Variants in NRXN3 observed in about 807,000 individuals in gnomAD.
The protein encoded by NRXN3 is neurexin 3, also known as neurexin III.
NRXN3 carries 32 observed loss-of-function variants against 137.6 expected under a neutral mutation model. The observed-to-expected ratio is 0.23, with a 90% CI of 0.18 to 0.31. The LOEUF (loss-of-function observed/expected upper bound fraction) is 0.31. NRXN3 is among the 10% of genes least tolerant of loss of function. The pLI, the probability that NRXN3 is intolerant of heterozygous loss-of-function variation, is 1.00. For missense variants in NRXN3, 1,574 were observed against 2,062.5 expected (o/e 0.76, Z 4.59); for synonymous variants, 798 against 784.5 (o/e 1.02, Z -0.29).
At chr14:79,831,642 T>C (rs2099324092) in intron 20 of NRXN3, among the ~76,000 whole-genome samples, 1 of 152,060 alleles carries the variant, frequency 6.6e-6, no homozygotes, top group African/African-American at 2.4e-5. Flanking sequence ...CTCTAAGAAA[T>C]GATGAGGATG....
chr14:79,483,289 T>G (rs2096625340), intron 16 of NRXN3, among the ~76,000 whole-genome samples: 1 of 152,206 alleles, frequency 6.6e-6, no homozygotes, highest in Admixed American at 6.5e-5. Flanking sequence ...TAGAAATGAC[T>G]ATTAATTTTT....
chr14:78,701,075 A>T (rs1421665153), intron 6 of NRXN3, among the ~76,000 whole-genome samples: 1 of 152,126 alleles, frequency 6.6e-6, no homozygotes, highest in East Asian at 1.9e-4. Flanking sequence ...CGGCCTGGAA[A>T]TTTTTTCTAT....
rs781227673 is a variant in NRXN3, at chr14:79,467,369, T to C, written c.3411T>C (p.Ala1137=). ...KDGILVRIDS[A]PGLGDFLQLH... ...GCATCTTGGTCCGCATCGACAGTGC[T>C]CCAGGACTTGGTGACTTCCTCCAGC... Residue 1137 remains alanine (A), a synonymous_variant, in exon 16 of 21, where the codon GCT becomes GCC. Transcript: ENST00000335750. 2 of 1,609,438 alleles carry C rather than the reference T, an allele frequency of 1.2e-6. No individual in the cohort carries two copies. The highest frequency in any genetic ancestry group is 2.2e-5 in the South Asian group (2 of 90,954).
chr14:79,471,925 A>G (rs2096514573), intron 16 of NRXN3, among the ~76,000 whole-genome samples: 1 of 152,086 alleles, frequency 6.6e-6, no homozygotes, highest in Admixed American at 6.6e-5. Flanking sequence ...TGTTGTACAG[A>G]TTATTTCATC....
chr14:78,840,239 G>T (rs895129188), intron 10 of NRXN3, among the ~76,000 whole-genome samples: 1 of 152,156 alleles, frequency 6.6e-6, no homozygotes, highest in Non-Finnish European at 1.5e-5. Flanking sequence ...TTTATTAAAT[G>T]CCAGATTTGA....
intron 16 of NRXN3, among the ~76,000 whole-genome samples, chr14:79,529,356 G>A (rs941112948): frequency 6.6e-6 from 1 of 152,230 alleles, no homozygotes; most frequent in African/African-American, 2.4e-5. Context: ...GTTATGAGTT[G>A]ATTTTTAGCT....
Position 79,069,233 on chromosome 14 carries a change from C to T in NRXN3, c.3262+81092C>T, listed in dbSNP as rs558837923. ...AAGTTTATACCTGACCATCTCTTTT[C>T]TATCATTGGCTTCCTATCTCCTATT... is the stretch of plus-strand genomic sequence containing the variant. On this transcript the variant is annotated intron_variant, in intron 15 of 20. Transcript: ENST00000335750. 9.1e-4 allele frequency among the ~76,000 whole-genome samples: 138 copies of T among 152,216 alleles called. 1 individual carries two copies. Among genetic ancestry groups the T allele is most frequent in the Middle Eastern group, 3.4e-3 (1 of 294 alleles).
At chr14:79,013,111 C>A (rs757550003) in intron 15 of NRXN3, among the ~76,000 whole-genome samples, 10 of 152,114 alleles carry the variant, frequency 6.6e-5, no homozygotes, top group Non-Finnish European at 1.2e-4. Context: ...TTCAGCTTTG[C>A]CTGTATGAAA....
chr14:78,249,639 C>T (rs951840064), intron 2 of NRXN3, among the ~76,000 whole-genome samples: 1 of 152,084 alleles, frequency 6.6e-6, no homozygotes, highest in South Asian at 2.1e-4. Flanking sequence ...CTCCAAAGGT[C>T]GAGTGCCCTT....
chr14:78,422,782 G>A (rs531387798), intron 4 of NRXN3, among the ~76,000 whole-genome samples: 11 of 152,288 alleles, frequency 7.2e-5, no homozygotes, highest in East Asian at 3.9e-4. Flanking sequence ...GTGGAAGAAT[G>A]CAAACTGATC....
chr14:78,738,139 A>G, intron 8 of NRXN3, among the ~76,000 whole-genome samples: 1 of 152,182 alleles, frequency 6.6e-6, no homozygotes, highest in East Asian at 1.9e-4. Flanking sequence ...TACAAGAGCT[A>G]ATGCTTATGG....
At chr14:78,213,915 T>C (rs2062997131) in intron 1 of NRXN3, among the ~76,000 whole-genome samples, 1 of 152,196 alleles carries the variant, frequency 6.6e-6, no homozygotes. Flanking sequence ...TCCAAGCAAG[T>C]GGGATTTGCT....
chr14:79,515,023 C>T (rs879679979), intron 16 of NRXN3, among the ~76,000 whole-genome samples: 2 of 150,356 alleles, frequency 1.3e-5, no homozygotes, highest in Non-Finnish European at 2.9e-5. Context: ...GTCTTTGTTT[C>T]CTCATTCAAA....
intron 16 of NRXN3, among the ~76,000 whole-genome samples, chr14:79,541,083 T>C (rs2097267501): frequency 6.6e-6 from 1 of 152,152 alleles, no homozygotes; most frequent in South Asian, 2.1e-4. Flanking sequence ...TCTCTGTGTT[T>C]CTCCTTTTCT....
chr14:78,848,685 T>A (rs897886039), intron 10 of NRXN3, among the ~76,000 whole-genome samples: 4 of 152,154 alleles, frequency 2.6e-5, no homozygotes, highest in South Asian at 2.1e-4. Context: ...GCAGGCCCAG[T>A]TGGGCACTGA....
intron 15 of NRXN3, among the ~76,000 whole-genome samples, chr14:79,063,615 T>C (rs951656123): frequency 5.3e-5 from 8 of 152,152 alleles, no homozygotes; most frequent in African/African-American, 1.9e-4. Context: ...GGAAATATTA[T>C]TGGAAAGGTA....
chr14:79,422,552 C>T (rs1246999420), intron 15 of NRXN3, among the ~76,000 whole-genome samples: 2 of 152,066 alleles, frequency 1.3e-5, no homozygotes, highest in African/African-American at 4.8e-5. Context: ...CACATTAGTG[C>T]TGTAGAGCCA....
intron 4 of NRXN3, among the ~76,000 whole-genome samples, chr14:78,491,692 T>C (rs2095671677): frequency 6.6e-6 from 1 of 152,116 alleles, no homozygotes; most frequent in Non-Finnish European, 1.5e-5. Context: ...TTTATACTGA[T>C]AGAGAACCCC....
At chr14:79,161,271 A>G (rs2060741316) in intron 15 of NRXN3, among the ~76,000 whole-genome samples, 1 of 151,946 alleles carries the variant, frequency 6.6e-6, no homozygotes, top group Non-Finnish European at 1.5e-5. Flanking sequence ...GTGACGTCTA[A>G]TGTAATAGAT....
Sources: allele counts gnomAD v4.1 joint callset (sites outside exome capture counted in the v4.1 genomes callset), GRCh38; gene constraint gnomAD v4.1.1; transcripts MANE v1.5; gene names NCBI Gene and HGNC (gene_info 2026-07-23, HGNC 2026-07-21).